Variants in CDH8 observed in about 807,000 individuals in gnomAD.
The protein encoded by CDH8 is cadherin-8.
Under a neutral mutation model 68.1 loss-of-function variants are expected in CDH8, and 17 were observed. That is an observed-to-expected ratio of 0.25 (90% CI 0.17 to 0.37). The LOEUF (loss-of-function observed/expected upper bound fraction) is 0.37. Ranked by LOEUF, CDH8 falls within the 10% of genes least tolerant of loss-of-function variation. The pLI is 1.00. For synonymous variants in CDH8, 372 were observed against 365.1 expected (o/e 1.02, Z -0.21); for missense variants, 763 against 999.3 (o/e 0.76, Z 3.19).
At chr16:61,995,485 C>T (rs1032359363) in intron 2 of CDH8, among the ~76,000 whole-genome samples, 1 of 152,108 alleles carries the variant, frequency 6.6e-6, no homozygotes, top group Non-Finnish European at 1.5e-5. Context: ...TCAAGCGATT[C>T]TCCTGCCTCA....
At chr16:61,849,818 T>G (rs183877181) in intron 4 of CDH8, among the ~76,000 whole-genome samples, 1 of 152,248 alleles carries the variant, frequency 6.6e-6, no homozygotes, top group Admixed American at 6.5e-5. Flanking sequence ...TGCAAGAGCT[T>G]TTGGTTCTTC....
intron 3 of CDH8, among the ~76,000 whole-genome samples, chr16:61,888,159 C>T (rs570231525): frequency 3.9e-5 from 6 of 152,246 alleles, no homozygotes; most frequent in Admixed American, 6.5e-5. Context: ...ACAGCTCCTC[C>T]GGCTTCTTAG....
chr16:61,838,086 GT>G (rs1432630386), intron 4 of CDH8, among the ~76,000 whole-genome samples: 1 of 120,868 alleles, frequency 8.3e-6, no homozygotes, highest in Non-Finnish European at 1.7e-5. Flanking sequence ...TCACAGCAGT[GT>G]TTTTCCAAAG....
chr16:61,808,061 T>C (rs1368452017), intron 7 of CDH8, among the ~76,000 whole-genome samples: 1 of 152,230 alleles, frequency 6.6e-6, no homozygotes, highest in Non-Finnish European at 1.5e-5. Flanking sequence ...ATGCTAAATA[T>C]GCATGAATAA....
chr16:61,751,190 C>T lies in CDH8; in HGVS notation c.1415-23975G>A, dbSNP rs568945041. Among the ~76,000 whole-genome samples the T allele has an allele frequency of 1.8e-4, 27 of 151,840 alleles. No individual in the cohort carries two copies. In the South Asian group the frequency reaches 5.4e-3, roughly 30 times the overall value. The stretch of plus-strand genomic sequence containing the variant: ...TAATAAATACCGATGCAATACAGCA[C>T]AAAATTCATGTGTGCCTAACTCTAA... On this transcript the variant is annotated intron_variant, in intron 8 of 11. Transcript: ENST00000577390.
chr16:61,966,321 C>T (rs1158558588), intron 2 of CDH8, among the ~76,000 whole-genome samples: 13 of 115,012 alleles, frequency 1.1e-4, no homozygotes, highest in South Asian at 3.6e-4. Flanking sequence ...GGGCAGATCA[C>T]GATGTCAAGA....
intron 2 of CDH8, among the ~76,000 whole-genome samples, chr16:62,011,147 C>T (rs1901803516): frequency 6.6e-6 from 1 of 152,110 alleles, no homozygotes; most frequent in Non-Finnish European, 1.5e-5. Context: ...TTCCTCAGCC[C>T]TTCTGATCAG....
At chr16:61,852,351 T>C (rs1456573123) in intron 4 of CDH8, among the ~76,000 whole-genome samples, 1 of 152,088 alleles carries the variant, frequency 6.6e-6, no homozygotes, top group Non-Finnish European at 1.5e-5. Context: ...CTTTCTATTG[T>C]TGCTGTTATT....
At chr16:61,845,453 A>G (rs2143009856) in intron 4 of CDH8, among the ~76,000 whole-genome samples, 1 of 151,308 alleles carries the variant, frequency 6.6e-6, no homozygotes, top group East Asian at 2.0e-4. Flanking sequence ...ACATACAATA[A>G]AACTTTACCG....
chr16:61,698,593 C>T (rs1216095375), intron 10 of CDH8, among the ~76,000 whole-genome samples: 5 of 152,182 alleles, frequency 3.3e-5, no homozygotes, highest in Non-Finnish European at 7.3e-5. Flanking sequence ...TATCAAGAGG[C>T]TCAGACTCAT....
At position 61,702,385 on chromosome 16, in the gene CDH8, A is replaced by G. The variant is rs536088305; in HGVS notation, c.1654+11456T>C. ...AGACTCCGTCTCAAAAAAAGAAAAA[A>G]AAAAAAGAAAAAAGAAAAATAAGTC... On this transcript the variant is annotated intron_variant, in intron 10 of 11. Coordinates refer to ENST00000577390, the MANE Select transcript of CDH8 (RefSeq NM_001796.5). Among the ~76,000 whole-genome samples the G allele has an allele frequency of 2.6e-3, 396 of 152,050 alleles. 2 individuals carry two copies. Among genetic ancestry groups the G allele is most frequent in the African/African-American group, 8.9e-3 (369 of 41,458 alleles).
intron 8 of CDH8, among the ~76,000 whole-genome samples, chr16:61,738,569 C>T (rs1959772078): frequency 6.6e-6 from 1 of 152,052 alleles, no homozygotes; most frequent in South Asian, 2.1e-4. Flanking sequence ...TAGATCCTTT[C>T]TTTATATTTC....
intron 1 of CDH8, among the ~76,000 whole-genome samples, chr16:62,032,355 T>C (rs1235947502): frequency 6.6e-6 from 1 of 152,142 alleles, no homozygotes; most frequent in East Asian, 1.9e-4. Flanking sequence ...TGCGTGCGTG[T>C]GTGTGTGTAC....
intron 2 of CDH8, among the ~76,000 whole-genome samples, chr16:61,925,968 C>A (rs994020411): frequency 2.6e-5 from 4 of 152,020 alleles, no homozygotes; most frequent in South Asian, 4.1e-4. Flanking sequence ...CTACTATATA[C>A]CATATACTGT....
intron 8 of CDH8, among the ~76,000 whole-genome samples, chr16:61,783,543 T>C (rs895172736): frequency 6.6e-6 from 1 of 151,288 alleles, no homozygotes; most frequent in Non-Finnish European, 1.5e-5. Flanking sequence ...ACTTCCGCAA[T>C]CTAGCAAGGC....
chr16:61,747,621 A>C (rs1336118648), intron 8 of CDH8, among the ~76,000 whole-genome samples: 1 of 152,080 alleles, frequency 6.6e-6, no homozygotes, highest in Non-Finnish European at 1.5e-5. Flanking sequence ...TATTAACAAA[A>C]TAATTCCAAA....
At chr16:61,771,553 C>G (rs2142986288) in intron 8 of CDH8, among the ~76,000 whole-genome samples, 1 of 139,218 alleles carries the variant, frequency 7.2e-6, no homozygotes, top group East Asian at 2.2e-4. Context: ...TTTTACTAAA[C>G]AAAAACAAAG....
At chr16:61,757,858 T>A (rs753839167) in intron 8 of CDH8, among the ~76,000 whole-genome samples, 18 of 152,146 alleles carry the variant, frequency 1.2e-4, no homozygotes, top group Non-Finnish European at 1.6e-4. Context: ...TGCCCAAATT[T>A]CAAATTTGCG....
rs143735424 is a variant in CDH8, at chr16:61,716,522, A to G, written c.1537-2564T>C. ...TAACTCAGCAATCTGTATTTCAAAC[A>G]GCCTTCTGGGTAATTCTGGTGTACA... On this transcript the variant is annotated intron_variant, in intron 9 of 11. Coordinates refer to ENST00000577390, the MANE Select transcript of CDH8 (RefSeq NM_001796.5). 6.2e-3 allele frequency among the ~76,000 whole-genome samples: 943 copies of G among 151,846 alleles called. 10 individuals carry two copies. The highest frequency in any genetic ancestry group is 0.022 in the African/African-American group (911 of 41,500).
Sources: gnomAD v4.1 joint callset for allele counts (sites outside exome capture counted in the v4.1 genomes callset) on GRCh38, gnomAD v4.1.1 for gene constraint, MANE v1.5 for transcripts, NCBI Gene and HGNC (gene_info 2026-07-23, HGNC 2026-07-21) for gene names.